NMNAT2: variants seen among roughly 807,000 people sequenced by gnomAD.
NMNAT2 encodes nicotinamide nucleotide adenylyltransferase 2.
Under a neutral mutation model 41.6 loss-of-function variants are expected in NMNAT2, and 11 were observed. The ratio of observed to expected loss-of-function variants is 0.26; its 90% CI spans 0.17 to 0.44. The LOEUF is 0.44. Ranked by LOEUF, NMNAT2 falls within the 20% of genes least tolerant of loss-of-function variation. The probability of loss-of-function intolerance (pLI) is 1.00; values close to 1 mark genes in which losing one functional copy is unlikely to be tolerated. For missense variants in NMNAT2, 288 were observed against 407.7 expected (o/e 0.71, Z 2.53); for synonymous variants, 148 against 151.2 (o/e 0.98, Z 0.16).
At chr1:183,411,016 C>A (rs1649102685) in intron 1 of NMNAT2, among the ~76,000 whole-genome samples, 1 of 152,144 alleles carries the variant, frequency 6.6e-6, no homozygotes, top group Admixed American at 6.5e-5. Flanking sequence ...CCACGCCCAG[C>A]CAAGAATGCC....
chr1:183,362,977 T>C (rs1663337201), intron 1 of NMNAT2, among the ~76,000 whole-genome samples: 1 of 152,212 alleles, frequency 6.6e-6, no homozygotes, highest in Non-Finnish European at 1.5e-5. Context: ...TCTTTTTTAT[T>C]ATAGCCATTC....
At chr1:183,375,323 A>T (rs1338518167) in intron 1 of NMNAT2, among the ~76,000 whole-genome samples, 1 of 152,240 alleles carries the variant, frequency 6.6e-6, no homozygotes, top group Non-Finnish European at 1.5e-5. Flanking sequence ...TGCCAGCCAT[A>T]GTTTGGCTCT....
intron 1 of NMNAT2, among the ~76,000 whole-genome samples, chr1:183,355,279 TC>T (rs1446440285): frequency 6.6e-6 from 1 of 152,094 alleles, no homozygotes; most frequent in Non-Finnish European, 1.5e-5. Context: ...CCTCTTATTT[TC>T]CCCCCAGGGA....
chr1:183,394,189 G>A (rs376238642), intron 1 of NMNAT2, among the ~76,000 whole-genome samples: 13 of 152,300 alleles, frequency 8.5e-5, no homozygotes, highest in African/African-American at 3.1e-4. Context: ...TTGCTGGCTG[G>A]TGATGCTACA....
chr1:183,326,893 T>C (rs1323190494), intron 1 of NMNAT2, among the ~76,000 whole-genome samples: 1 of 151,910 alleles, frequency 6.6e-6, no homozygotes, highest in East Asian at 1.9e-4. Context: ...GATAACCAGG[T>C]GGATGGAAGA....
At chr1:183,358,611 A>T (rs984377810) in intron 1 of NMNAT2, among the ~76,000 whole-genome samples, 11 of 152,180 alleles carry the variant, frequency 7.2e-5, no homozygotes, top group African/African-American at 2.7e-4. Flanking sequence ...AGAGCTGGAG[A>T]GTAAGCCAGA....
intron 1 of NMNAT2, among the ~76,000 whole-genome samples, chr1:183,318,775 A>G (rs1428493700): frequency 5.9e-5 from 9 of 152,206 alleles, no homozygotes. Flanking sequence ...ACTCCCTAAA[A>G]TCCGATACAG....
chr1:183,337,534 T>C (rs1216656749), intron 1 of NMNAT2, among the ~76,000 whole-genome samples: 2 of 135,480 alleles, frequency 1.5e-5, no homozygotes, highest in Non-Finnish European at 3.1e-5. Context: ...TAGGTTTGCC[T>C]ACTACCAATA....
At position 183,284,726 on chromosome 1, in the gene NMNAT2, C is replaced by A. The variant is rs1661356273; in HGVS notation, c.513G>T (p.Glu171Asp). The A allele has an allele frequency of 1.9e-6, 3 of 1,614,146 alleles. No individual in the cohort carries two copies. Among genetic ancestry groups the A allele is most frequent in the African/African-American group, 1.3e-5 (1 of 75,022 alleles). ...SRICCVRPPVERFTFVDENAN... is the reference protein window; with the variant it reads ...SRICCVRPPVDRFTFVDENAN... ...GTTCCTCACCTACAAAGGTGAAACG[C>A]TCCACCGGCGGGCGGACACAGCAGA... Residue 171 changes from glutamate (E) to aspartate (D), a missense_variant, in exon 6 of 11, where the codon GAG becomes GAT. Glu to Asp is a conservative substitution (Grantham distance 45). Around this residue, in one of 3 missense-constraint regions of NMNAT2, gnomAD observed 181 missense variants for 213.7 expected, o/e 0.85. Transcript: ENST00000287713.
intron 1 of NMNAT2, among the ~76,000 whole-genome samples, chr1:183,413,650 A>T (rs1252840262): frequency 7.5e-6 from 1 of 134,140 alleles, no homozygotes; most frequent in Non-Finnish European, 1.5e-5. Context: ...TCTGTCGCCC[A>T]AGCTGGAGTG....
chr1:183,280,673 C>A (rs568338115), intron 7 of NMNAT2, among the ~76,000 whole-genome samples: 1 of 151,510 alleles, frequency 6.6e-6, no homozygotes, highest in Admixed American at 6.6e-5. Flanking sequence ...CAGGCATGAG[C>A]CACTACACTC....
intron 1 of NMNAT2, among the ~76,000 whole-genome samples, chr1:183,318,797 T>TGGGGCCTG (rs1662304602): frequency 6.6e-6 from 1 of 152,196 alleles, no homozygotes; most frequent in Non-Finnish European, 1.5e-5. Flanking sequence ...AGCAGAGGTT[T>TGGGGCCTG]GGGGCCTGGG....
At chr1:183,313,645 C>T (rs975811488) in intron 1 of NMNAT2, among the ~76,000 whole-genome samples, 1 of 152,120 alleles carries the variant, frequency 6.6e-6, no homozygotes, top group South Asian at 2.1e-4. Context: ...GCCACCATGC[C>T]TGGCTAATTT....
intron 1 of NMNAT2, among the ~76,000 whole-genome samples, chr1:183,410,157 CAAAAA>C (rs57169849): frequency 7.8e-6 from 1 of 128,696 alleles, no homozygotes; most frequent in East Asian, 2.3e-4. Context: ...AAAATAATAC[CAAAAA>C]AAAAAAAAAA....
chr1:183,363,541 G>A (rs1663347907), intron 1 of NMNAT2, among the ~76,000 whole-genome samples: 1 of 151,128 alleles, frequency 6.6e-6, no homozygotes, highest in African/African-American at 2.4e-5. Flanking sequence ...AGGTCAGTGA[G>A]TTTATTATGA....
chr1:183,355,595 A>G (rs916189654), intron 1 of NMNAT2, among the ~76,000 whole-genome samples: 2 of 152,260 alleles, frequency 1.3e-5, no homozygotes, highest in African/African-American at 4.8e-5. Flanking sequence ...CAGAGCAGAC[A>G]CTTAATAAAA....
At chr1:183,269,969 C>T (rs548118871) in intron 8 of NMNAT2, among the ~76,000 whole-genome samples, 2 of 152,182 alleles carry the variant, frequency 1.3e-5, no homozygotes, top group East Asian at 1.9e-4. Flanking sequence ...CTGCAAGCTC[C>T]GCCTCCCGGG....
intron 1 of NMNAT2, chr1:183,304,979 G>A: frequency 2.3e-6 from 2 of 859,916 alleles, no homozygotes; most frequent in East Asian, 3.7e-5. Context: ...CCCGCTTGTA[G>A]GAGCCACTCC....
intron 1 of NMNAT2, among the ~76,000 whole-genome samples, chr1:183,412,555 G>T (rs1649148617): frequency 6.6e-6 from 1 of 152,222 alleles, no homozygotes; most frequent in Non-Finnish European, 1.5e-5. Flanking sequence ...GTTAAGAAAT[G>T]AGTGTTGCAA....
Sources: gnomAD v4.1 joint callset for allele counts (sites outside exome capture counted in the v4.1 genomes callset) on GRCh38, gnomAD v4.1.1 for gene constraint, gnomAD v4.1.1 regional missense constraint, MANE v1.5 for transcripts, NCBI Gene and HGNC (gene_info 2026-07-23, HGNC 2026-07-21) for gene names.